The following NEK11 variants were observed in gnomAD, a reference collection of about 807,000 sequenced individuals.
NEK11 encodes the protein serine/threonine-protein kinase Nek11.
In NEK11, 72 loss-of-function variants were observed where a neutral mutation model predicts 80.7. That is an observed-to-expected ratio of 0.89 (90% CI 0.74 to 1.08). The LOEUF is 1.08. NEK11 is among the 50% of genes least tolerant of loss of function. NEK11 has a pLI of 0.00. For synonymous variants in NEK11, 251 were observed against 260.7 expected, an observed-to-expected ratio of 0.96 and a Z score of 0.36; for missense variants, 764 against 763.6, an observed-to-expected ratio of 1.00 and a Z score of -0.01.
intron 17 of NEK11, among the ~76,000 whole-genome samples, chr3:131,283,779 T>C (rs1166781033): frequency 2.0e-5 from 3 of 152,168 alleles, no homozygotes; most frequent in Admixed American, 1.3e-4. Flanking sequence ...AAACTGCTGA[T>C]TGAAATCAGC....
chr3:131,086,307 G>A (rs115269155), intron 4 of NEK11, among the ~76,000 whole-genome samples: 2,007 of 152,192 alleles, frequency 0.013, 39 homozygotes, highest in African/African-American at 0.045. Context: ...GAAGTTGCCT[G>A]TGGCGATTCT....
intron 16 of NEK11, among the ~76,000 whole-genome samples, chr3:131,272,463 C>CTTCTTCTTTTTTTTTTTTTT (rs2096210843): frequency 2.3e-5 from 1 of 43,884 alleles, no homozygotes; most frequent in African/African-American, 9.1e-5. Flanking sequence ...GTTTTAGCTT[C>CTTCTTCTTTTTTTTTTTTTT]TTTTTTTTTT....
chr3:131,115,968 T>TTCTTTCTTTCTTTCTTTCTTTC (rs2081121604), intron 5 of NEK11, among the ~76,000 whole-genome samples: 3 of 145,212 alleles, frequency 2.1e-5, no homozygotes, highest in East Asian at 2.0e-4. Context: ...CTTTCTTTCT[T>TTCTTTCTTTCTTTCTTTCTTTC]TCTTTCTTTC....
chr3:131,231,827 G>A (rs1459388656), intron 15 of NEK11, among the ~76,000 whole-genome samples: 1 of 152,038 alleles, frequency 6.6e-6, no homozygotes, highest in Admixed American at 6.5e-5. Flanking sequence ...ACCTCTGAGT[G>A]TGCCAGGGTC....
chr3:131,144,881 G>A (rs1227477914), intron 7 of NEK11, among the ~76,000 whole-genome samples: 2 of 152,196 alleles, frequency 1.3e-5, no homozygotes, highest in Non-Finnish European at 2.9e-5. Context: ...ATACTACAGT[G>A]TAGCTGAGAG....
intron 4 of NEK11, among the ~76,000 whole-genome samples, chr3:131,096,810 G>A (rs974839744): frequency 1.8e-4 from 28 of 151,688 alleles, no homozygotes; most frequent in African/African-American, 6.5e-4. Context: ...ATGTATACAT[G>A]TACCATGCTG....
chr3:131,152,279 A>G, intron 7 of NEK11, 109 bp from the exon 8 acceptor site: 1 of 838,698 alleles, frequency 1.2e-6, no homozygotes. Flanking sequence ...TACTGATTGT[A>G]TGTTTGTGCC....
At chr3:131,211,282 G>A (rs1218786812) in intron 14 of NEK11, among the ~76,000 whole-genome samples, 1 of 152,154 alleles carries the variant, frequency 6.6e-6, no homozygotes, top group Non-Finnish European at 1.5e-5. Flanking sequence ...CTTTAAGAAT[G>A]TTGAATATTG....
At chr3:131,338,798 G>A (rs943792518) in intron 17 of NEK11, among the ~76,000 whole-genome samples, 3 of 152,186 alleles carry the variant, frequency 2.0e-5, no homozygotes, top group Non-Finnish European at 2.9e-5. Context: ...AGGCAAAACT[G>A]AAGGAACAAA....
chr3:131,310,187 A>G (rs1422109714), intron 17 of NEK11, among the ~76,000 whole-genome samples: 3 of 152,110 alleles, frequency 2.0e-5, no homozygotes, highest in African/African-American at 7.2e-5. Context: ...TGAATGAAAT[A>G]TGAGGTCATA....
chr3:131,062,421 C>A (rs2071050049), intron 3 of NEK11, among the ~76,000 whole-genome samples: 1 of 152,156 alleles, frequency 6.6e-6, no homozygotes, highest in Admixed American at 6.5e-5. Flanking sequence ...TTTAAGAAAC[C>A]AACTTTGTTG....
chr3:131,218,598 C>T (rs2094920346), intron 14 of NEK11, among the ~76,000 whole-genome samples: 1 of 152,096 alleles, frequency 6.6e-6, no homozygotes, highest in Non-Finnish European at 1.5e-5. Flanking sequence ...AGCCCTAACC[C>T]CCAGTACTTC....
chr3:131,305,419 C>T (rs2096713013), intron 17 of NEK11, among the ~76,000 whole-genome samples: 1 of 152,034 alleles, frequency 6.6e-6, no homozygotes, highest in East Asian at 1.9e-4. Context: ...GAGGGTGGGG[C>T]CCCAGGAGAA....
At chr3:131,242,529 A>G (rs2095535241) in intron 15 of NEK11, among the ~76,000 whole-genome samples, 1 of 152,146 alleles carries the variant, frequency 6.6e-6, no homozygotes, top group Non-Finnish European at 1.5e-5. Context: ...CACACTGGCC[A>G]TAATATGCTC....
intron 1 of NEK11, chr3:131,027,538 A>G (rs1242029312): frequency 6.6e-6 from 1 of 152,178 alleles, no homozygotes; most frequent in Non-Finnish European, 1.5e-5. Flanking sequence ...GGTTTGTTAA[A>G]CACCTAGTAT....
intron 14 of NEK11, among the ~76,000 whole-genome samples, chr3:131,193,485 T>C (rs2093881563): frequency 6.6e-6 from 1 of 152,124 alleles, no homozygotes; most frequent in South Asian, 2.1e-4. Flanking sequence ...GAATAATTTC[T>C]CCATTTGTTC....
intron 17 of NEK11, among the ~76,000 whole-genome samples, chr3:131,340,430 G>T (rs2097266729): frequency 6.6e-6 from 1 of 151,944 alleles, no homozygotes; most frequent in Non-Finnish European, 1.5e-5. Context: ...ATAATTAGAG[G>T]GTACACAGCA....
intron 17 of NEK11, among the ~76,000 whole-genome samples, chr3:131,284,336 G>C (rs1240116548): frequency 6.6e-6 from 1 of 152,170 alleles, no homozygotes; most frequent in Admixed American, 6.5e-5. Flanking sequence ...TAAGCCCTTA[G>C]GACATGCCCT....
rs746035551 is a variant in NEK11, at chr3:131,080,573, C to T, written c.321C>T (p.Ile107=). 1 of 1,612,520 alleles carries T rather than the reference C, an allele frequency of 6.2e-7. No individual in the cohort carries two copies. Among genetic ancestry groups the T allele is most frequent in the South Asian group, 1.1e-5 (1 of 90,526 alleles). Reference sequence around the variant, plus strand: ...TGGAGCAAGATAATTTCTGCATTATCACGGAGTACTGTGAGGTGAGACTCT... The same window carrying T: ...TGGAGCAAGATAATTTCTGCATTATTACGGAGTACTGTGAGGTGAGACTCT... ...SFVEQDNFCI[I]TEYCEGRDLD... The change falls in exon 4 of 18, where the codon ATC becomes ATT. Residue 107 remains isoleucine, a synonymous_variant. Coordinates refer to ENST00000383366, the MANE Select transcript of NEK11 (RefSeq NM_024800.5).
Sources: gnomAD v4.1 joint callset for allele counts (sites outside exome capture counted in the v4.1 genomes callset) on GRCh38, gnomAD v4.1.1 for gene constraint, MANE v1.5 for transcripts, NCBI Gene and HGNC (gene_info 2026-07-23, HGNC 2026-07-21) for gene names.